Variants in SAMSN1 observed in about 807,000 individuals in gnomAD.
The protein encoded by SAMSN1 is SAM domain-containing protein SAMSN-1.
A neutral mutation model predicts 42.0 loss-of-function variants in SAMSN1; 31 were observed. The ratio of observed to expected loss-of-function variants is 0.74; its 90% CI spans 0.55 to 1.00. The LOEUF (loss-of-function observed/expected upper bound fraction) is 1.00, where lower values mean the gene tolerates loss of function less well. Ranked by LOEUF, SAMSN1 falls within the 50% of genes least tolerant of loss-of-function variation. The probability of loss-of-function intolerance (pLI) is 0.00; values close to 1 mark genes in which losing one functional copy is unlikely to be tolerated. For missense variants in SAMSN1, 464 were observed against 439.4 expected (o/e 1.06, Z -0.50); for synonymous variants, 178 against 151.9 (o/e 1.17, Z -1.26).
At chr21:14,492,071 G>T (rs1986712516) in intron 7 of SAMSN1, among the ~76,000 whole-genome samples, 1 of 152,092 alleles carries the variant, frequency 6.6e-6, no homozygotes, top group Admixed American at 6.5e-5. Context: ...ATTATTGATG[G>T]AAGTCCCTAT....
chr21:14,582,259 G>T (rs1981759954), exon 2 of SAMSN1: 2 of 1,550,878 alleles, frequency 1.3e-6, no homozygotes, highest in East Asian at 4.9e-5. Flanking sequence ...TCCAGAGAGG[G>T]TTTTCAGGAA....
At chr21:14,618,977 A>C (rs1354161902) in intron 2 of SAMSN1, among the ~76,000 whole-genome samples, 1 of 152,210 alleles carries the variant, frequency 6.6e-6, no homozygotes, top group South Asian at 2.1e-4. Context: ...TAGAAAAATT[A>C]TTACAAATGA....
In SAMSN1 at chr21:14,494,210, G is replaced by C. The variant is rs111850018; in HGVS notation, c.919+4232C>G. Among the ~76,000 whole-genome samples the C allele has an allele frequency of 9.6e-3, 1,457 of 152,246 alleles. 30 individuals are homozygous for C. The highest frequency in any genetic ancestry group is 0.033 in the African/African-American group (1,373 of 41,524). Reference sequence around the variant, plus strand: ...TTTGACCCAGCAATCCCATTACTGGGTCTATACCCAAAGGATTATAAATTA... The same window carrying C: ...TTTGACCCAGCAATCCCATTACTGGCTCTATACCCAAAGGATTATAAATTA... On this transcript the variant is annotated intron_variant, in intron 7 of 7. Coordinates refer to ENST00000400566, the MANE Select transcript of SAMSN1 (RefSeq NM_022136.5).
chr21:14,629,044 T>C (rs1983254907), intron 2 of SAMSN1, among the ~76,000 whole-genome samples: 1 of 152,164 alleles, frequency 6.6e-6, no homozygotes, highest in South Asian at 2.1e-4. Context: ...TACCTGATAC[T>C]ACTTCTATGC....
At chr21:14,550,023 A>C (rs1404910024), upstream of SAMSN1, among the ~76,000 whole-genome samples, 1 of 152,080 alleles carries the variant, frequency 6.6e-6, no homozygotes, top group East Asian at 1.9e-4. Context: ...AATAATTCAG[A>C]TGTTGGTGCC....
intron 1 of SAMSN1, among the ~76,000 whole-genome samples, chr21:14,536,313 G>A (rs1249869849): frequency 6.6e-6 from 1 of 152,162 alleles, no homozygotes; most frequent in African/African-American, 2.4e-5. Context: ...AAAGAGATAA[G>A]TGTGTGACTA....
chr21:14,563,141 T>C (rs1980998467), intron 2 of SAMSN1, among the ~76,000 whole-genome samples: 2 of 152,206 alleles, frequency 1.3e-5, no homozygotes, highest in African/African-American at 2.4e-5. Context: ...TAAAGCATTC[T>C]GATTCATATT....
chr21:14,515,485 CA>C (rs1351837994), intron 3 of SAMSN1, among the ~76,000 whole-genome samples: 5 of 151,998 alleles, frequency 3.3e-5, no homozygotes, highest in African/African-American at 1.2e-4. Context: ...ATATACTGTA[CA>C]GTAAAATTAT....
upstream of SAMSN1, among the ~76,000 whole-genome samples, chr21:14,546,719 T>C (rs1202644583): frequency 6.6e-6 from 1 of 152,014 alleles, no homozygotes; most frequent in Non-Finnish European, 1.5e-5. Context: ...ATATATTTTT[T>C]CTTTTTTTGA....
At chr21:14,549,118 T>G (rs1433702455), upstream of SAMSN1, among the ~76,000 whole-genome samples, 1 of 152,156 alleles carries the variant, frequency 6.6e-6, no homozygotes, top group African/African-American at 2.4e-5. Flanking sequence ...GAAAGTAAGG[T>G]GAGCCATAAA....
chr21:14,600,141 T>C (rs534923986), intron 6 of SAMSN1, among the ~76,000 whole-genome samples: 9 of 152,258 alleles, frequency 5.9e-5, no homozygotes, highest in East Asian at 1.9e-4. Flanking sequence ...TGTTCACTGA[T>C]GGAAGGCCAA....
At chr21:14,649,772 A>AACACACACACATACACAC (rs1287085554) in intron 1 of SAMSN1, among the ~76,000 whole-genome samples, 7 of 135,646 alleles carry the variant, frequency 5.2e-5, no homozygotes, top group Admixed American at 1.5e-4. Flanking sequence ...ACTGTCTCAA[A>AACACACACACATACACAC]ACACACACAC....
At chr21:14,606,792 T>TA (rs774483911) in intron 5 of SAMSN1, among the ~76,000 whole-genome samples, 1 of 152,178 alleles carries the variant, frequency 6.6e-6, no homozygotes, top group Non-Finnish European at 1.5e-5. Flanking sequence ...CTAGATAAAC[T>TA]AAAAATATTT....
At chr21:14,646,575 G>A (rs1469111546) in intron 1 of SAMSN1, among the ~76,000 whole-genome samples, 1 of 152,026 alleles carries the variant, frequency 6.6e-6, no homozygotes, top group African/African-American at 2.4e-5. Flanking sequence ...TCACCTGAAG[G>A]TACAAAACTC....
chr21:14,649,737 T>A (rs1489109604), intron 1 of SAMSN1, among the ~76,000 whole-genome samples: 3 of 149,752 alleles, frequency 2.0e-5, no homozygotes, highest in Admixed American at 6.7e-5. Context: ...ACCACTGCAC[T>A]CCAGGCTGGG....
intron 1 of SAMSN1, among the ~76,000 whole-genome samples, chr21:14,528,946 C>A (rs1979061317): frequency 6.6e-6 from 1 of 152,142 alleles, no homozygotes; most frequent in South Asian, 2.1e-4. Context: ...TAGGCATTAA[C>A]TTCTCCAATT....
chr21:14,523,690 A>G (rs531267028), intron 1 of SAMSN1, among the ~76,000 whole-genome samples: 65 of 152,306 alleles, frequency 4.3e-4, no homozygotes, highest in African/African-American at 1.5e-3. Context: ...TTTGTAGCCT[A>G]TATATAGCCT....
chr21:14,581,348 T>C (rs903621483), intron 2 of SAMSN1, among the ~76,000 whole-genome samples: 2 of 71,330 alleles, frequency 2.8e-5, no homozygotes, highest in Admixed American at 1.4e-4. Context: ...ATATTTCTTT[T>C]TTTTTTTTTT....
At chr21:14,498,679 G>A in intron 6 of SAMSN1, 87 bp from the exon 7 acceptor site, 2 of 1,075,374 alleles carry the variant, frequency 1.9e-6, no homozygotes, top group Non-Finnish European at 2.6e-6. Flanking sequence ...GTATAGAGAT[G>A]CACATGGGGA....
Sources: allele counts gnomAD v4.1 joint callset (sites outside exome capture counted in the v4.1 genomes callset), GRCh38; gene constraint gnomAD v4.1.1; transcripts MANE v1.5; gene names NCBI Gene and HGNC (gene_info 2026-07-23, HGNC 2026-07-21).